Variants in ASIC2 observed in about 807,000 individuals in gnomAD.
ASIC2 encodes the protein acid-sensing ion channel 2.
Under a neutral mutation model 57.3 loss-of-function variants are expected in ASIC2, and 25 were observed. The ratio of observed to expected loss-of-function variants is 0.44; its 90% CI spans 0.32 to 0.61. The LOEUF is 0.61. ASIC2 is among the 20% of genes least tolerant of loss of function. The probability of loss-of-function intolerance (pLI) is 0.06; values close to 1 mark genes in which losing one functional copy is unlikely to be tolerated. For missense variants in ASIC2, 641 were observed against 738.1 expected, an observed-to-expected ratio of 0.87 and a Z score of 1.52; for synonymous variants, 319 against 307.5, an observed-to-expected ratio of 1.04 and a Z score of -0.39.
chr17:33,285,166 A>G (rs1905094140), intron 1 of ASIC2, among the ~76,000 whole-genome samples: 2 of 152,228 alleles, frequency 1.3e-5, no homozygotes, highest in South Asian at 2.1e-4. Context: ...CAGACATTTG[A>G]TTGATGCCTT....
intron 1 of ASIC2, among the ~76,000 whole-genome samples, chr17:33,786,837 G>A (rs1911613031): frequency 6.6e-6 from 1 of 152,194 alleles, no homozygotes; most frequent in African/African-American, 2.4e-5. Flanking sequence ...AAGAAAAATA[G>A]ACAAAGGGCA....
At chr17:33,725,345 A>G (rs561855976) in intron 1 of ASIC2, among the ~76,000 whole-genome samples, 2 of 152,326 alleles carry the variant, frequency 1.3e-5, no homozygotes, top group South Asian at 4.1e-4. Flanking sequence ...TTAAATATTT[A>G]GGTCTCAGGC....
In ASIC2 at chr17:33,017,594, C is replaced by T. The variant is rs747138260; in HGVS notation, c.1521+11G>A. Reference sequence around the variant, plus strand: ...TGCGGTCATTTCCCTGTGGGGAATCCCAAATCTTACCTCATAAATATAATC... The same window carrying T: ...TGCGGTCATTTCCCTGTGGGGAATCTCAAATCTTACCTCATAAATATAATC... On this transcript the variant is annotated intron_variant, in intron 8 of 9. Coordinates refer to ENST00000225823, the MANE Select transcript of ASIC2 (RefSeq NM_183377.2). The T allele has an allele frequency of 5.0e-6, 8 of 1,609,190 alleles. No homozygotes were observed. The highest frequency in any genetic ancestry group is 6.8e-6 in the Non-Finnish European group (8 of 1,176,270).
chr17:33,896,851 G>T (rs1289278425), intron 1 of ASIC2, among the ~76,000 whole-genome samples: 1 of 152,186 alleles, frequency 6.6e-6, no homozygotes, highest in Non-Finnish European at 1.5e-5. Context: ...ATTGTATTTT[G>T]TGTGTATGGT....
intron 3 of ASIC2, among the ~76,000 whole-genome samples, chr17:33,061,019 G>C (rs1403916960): frequency 1.3e-5 from 2 of 152,200 alleles, no homozygotes; most frequent in African/African-American, 2.4e-5. Context: ...TTTGTATCCT[G>C]AGACTTTGCT....
In ASIC2 at chr17:33,415,015, G is replaced by A. The variant is rs571205836; in HGVS notation, c.556-302948C>T. ...TCTGACTGTGGTATTCAGATGTGCA[G>A]TCCAGGCACTGTCCTCATACTAGTG... On this transcript the variant is annotated intron_variant, in intron 1 of 9. Coordinates refer to the ASIC2 transcript ENST00000359872. Among the ~76,000 whole-genome samples the A allele has an allele frequency of 4.4e-4, 67 of 152,352 alleles. 1 individual carries two copies. The highest frequency in any genetic ancestry group is 1.6e-3 in the African/African-American group (66 of 41,582).
At chr17:33,226,465 C>T (rs1317716756) in intron 1 of ASIC2, among the ~76,000 whole-genome samples, 1 of 152,180 alleles carries the variant, frequency 6.6e-6, no homozygotes, top group East Asian at 1.9e-4. Flanking sequence ...TTTGAGGCCA[C>T]AGAAAATCAC....
rs115519202 is a variant in ASIC2 at position 33,928,634 on chromosome 17, G to A, written c.555+227344C>T. On this transcript the variant is annotated intron_variant, in intron 1 of 9. Coordinates refer to the ASIC2 transcript ENST00000359872. ...CTTGGAAATGTAGTGTCAGGGCTCCGGAGGGGTGGAGCTTCTGCACTTCAG... is the reference window on the plus strand; with the variant it reads ...CTTGGAAATGTAGTGTCAGGGCTCCAGAGGGGTGGAGCTTCTGCACTTCAG... Among the ~76,000 whole-genome samples the A allele has an allele frequency of 4.4e-3, 671 of 152,244 alleles. 7 individuals are homozygous for A. Among genetic ancestry groups the A allele is most frequent in the African/African-American group, 0.014 (576 of 41,548 alleles).
intron 1 of ASIC2, among the ~76,000 whole-genome samples, chr17:33,591,805 G>T (rs1904835963): frequency 6.6e-6 from 1 of 152,126 alleles, no homozygotes; most frequent in Non-Finnish European, 1.5e-5. Flanking sequence ...GCTTTGCTGA[G>T]CCCCTCTCCT....
intron 1 of ASIC2, among the ~76,000 whole-genome samples, chr17:34,093,610 T>C (rs1346902649): frequency 6.6e-6 from 1 of 152,254 alleles, no homozygotes; most frequent in Non-Finnish European, 1.5e-5. Context: ...GTTGGCTGGA[T>C]GACTGCATGA....
intron 1 of ASIC2, among the ~76,000 whole-genome samples, chr17:33,437,056 G>C (rs1364126942): frequency 6.7e-6 from 1 of 150,196 alleles, no homozygotes; most frequent in South Asian, 2.1e-4. Flanking sequence ...TAGTAGAGAC[G>C]GGGTTTCACC....
At chr17:33,999,372 A>G (rs964541380) in intron 1 of ASIC2, among the ~76,000 whole-genome samples, 1 of 152,146 alleles carries the variant, frequency 6.6e-6, no homozygotes, top group African/African-American at 2.4e-5. Context: ...GTAATTATCA[A>G]TAGGTAAGGC....
At chr17:33,441,745 C>T (rs778392690) in intron 1 of ASIC2, among the ~76,000 whole-genome samples, 1 of 152,064 alleles carries the variant, frequency 6.6e-6, no homozygotes, top group Non-Finnish European at 1.5e-5. Flanking sequence ...CAAAGTTCCC[C>T]CCAGTTTATT....
intron 1 of ASIC2, among the ~76,000 whole-genome samples, chr17:34,107,573 A>T (rs1598030311): frequency 6.6e-6 from 1 of 152,296 alleles, no homozygotes; most frequent in South Asian, 2.1e-4. Flanking sequence ...CTTAAAGTAC[A>T]TTCAGAATTG....
At chr17:33,185,451 C>A (rs1269187101) in intron 1 of ASIC2, among the ~76,000 whole-genome samples, 1 of 152,076 alleles carries the variant, frequency 6.6e-6, no homozygotes, top group South Asian at 2.1e-4. Context: ...GGACAACAGG[C>A]AGTACGGGGC....
intron 1 of ASIC2, among the ~76,000 whole-genome samples, chr17:33,953,500 C>A (rs1412409689): frequency 6.6e-6 from 1 of 151,958 alleles, no homozygotes; most frequent in East Asian, 1.9e-4. Flanking sequence ...ATACATATCA[C>A]AATAGACCAG....
At chr17:33,738,759 A>C (rs1229025569) in intron 1 of ASIC2, among the ~76,000 whole-genome samples, 2 of 152,148 alleles carry the variant, frequency 1.3e-5, no homozygotes, top group Non-Finnish European at 2.9e-5. Context: ...TGTGACTTAC[A>C]CCAACTGGCT....
chr17:33,817,882 C>T (rs544738170), intron 1 of ASIC2, among the ~76,000 whole-genome samples: 2 of 152,160 alleles, frequency 1.3e-5, no homozygotes, highest in African/African-American at 4.8e-5. Flanking sequence ...TATCTGGCAG[C>T]CAAGGCCAGA....
At chr17:34,036,085 C>A (rs1189495340) in intron 1 of ASIC2, among the ~76,000 whole-genome samples, 1 of 151,888 alleles carries the variant, frequency 6.6e-6, no homozygotes, top group Non-Finnish European at 1.5e-5. Context: ...ATGTTTATAT[C>A]GTCAATATTC....
Sources: gnomAD v4.1 joint callset for allele counts (sites outside exome capture counted in the v4.1 genomes callset) on GRCh38, gnomAD v4.1.1 for gene constraint, MANE v1.5 for transcripts, NCBI Gene and HGNC (gene_info 2026-07-23, HGNC 2026-07-21) for gene names.